The following NME5 variants were observed in gnomAD, a reference collection of about 807,000 sequenced individuals.
NME5 encodes the protein nucleoside diphosphate kinase 5.
NME5 carries 18 observed loss-of-function variants against 21.6 expected under a neutral mutation model. The observed-to-expected ratio is 0.83, with a 90% CI of 0.58 to 1.24. The LOEUF (loss-of-function observed/expected upper bound fraction) is 1.24. NME5 is among the 50% of genes most tolerant of loss of function. The probability of loss-of-function intolerance (pLI) is 0.00; values close to 1 mark genes in which losing one functional copy is unlikely to be tolerated. For synonymous variants in NME5, 70 were observed against 80.6 expected (o/e 0.87, Z 0.71); for missense variants, 223 against 255.4 (o/e 0.87, Z 0.86).
At chr5:138,129,059 G>C (rs551250318) in intron 3 of NME5, among the ~76,000 whole-genome samples, 1 of 152,006 alleles carries the variant, frequency 6.6e-6, no homozygotes, top group South Asian at 2.1e-4. Flanking sequence ...GCTTTTTCTG[G>C]TAGGTAGTAT....
Position 138,118,862 on chromosome 5 carries a change from C to A in NME5, c.511G>T (p.Glu171Ter). The change falls in exon 5 of 6, where the codon GAA becomes TAA. Residue 171 changes from glutamate (E) to a stop codon, truncating the protein, a stop_gained. Coordinates refer to ENST00000265191, the MANE Select transcript of NME5 (RefSeq NM_003551.3). LOFTEE classifies it high-confidence loss of function. ...TGCTTACAAAGCTCTGTGAGTCCTT[C>A]AAGCAGAGTTGGCATTATATGTAAA... ...LNLHIMPTLLEGLTELCKQKP... is the reference protein window; with the variant it reads ...LNLHIMPTLL 1.2e-6 allele frequency: 2 copies of A among 1,613,648 alleles called. No individual in the cohort carries two copies. The highest frequency in any genetic ancestry group is 1.7e-6 in the Non-Finnish European group (2 of 1,179,618).
At chr5:138,136,645 T>TA (rs201720743) in intron 2 of NME5, among the ~76,000 whole-genome samples, 2 of 152,060 alleles carry the variant, frequency 1.3e-5, no homozygotes, top group African/African-American at 4.8e-5. Context: ...TTTTTTAAAT[T>TA]AAAAAAATTT....
At chr5:138,124,834 TTAA>T (rs1216539917) in intron 4 of NME5, among the ~76,000 whole-genome samples, 1 of 152,200 alleles carries the variant, frequency 6.6e-6, no homozygotes, top group African/African-American at 2.4e-5. Flanking sequence ...GCTGAATAAA[TTAA>T]TGAGAGAATA....
At chr5:138,137,040 A>G (rs1751715158) in intron 2 of NME5, among the ~76,000 whole-genome samples, 1 of 151,986 alleles carries the variant, frequency 6.6e-6, no homozygotes, top group South Asian at 2.1e-4. Flanking sequence ...AACAAAATAA[A>G]TCCATTATCT....
intron 4 of NME5, among the ~76,000 whole-genome samples, chr5:138,119,642 TTTTTCTTTTC>T (rs767424536): frequency 6.8e-6 from 1 of 147,602 alleles, no homozygotes; most frequent in African/African-American, 2.4e-5. Context: ...GCCTGTTTTC[TTTTTCTTTTC>T]TTTTCTTTAT....
intron 4 of NME5, among the ~76,000 whole-genome samples, chr5:138,120,733 A>C (rs1397875291): frequency 6.6e-6 from 1 of 152,064 alleles, no homozygotes; most frequent in Non-Finnish European, 1.5e-5. Flanking sequence ...ATTTTGAGTT[A>C]ATTTTTGTGT....
At position 138,115,598 on chromosome 5, in the gene NME5, C is replaced by A; in HGVS notation, c.*83G>T. 1.3e-6 allele frequency: 1 copy of A among 758,922 alleles called. No homozygotes were observed. Among genetic ancestry groups the A allele is most frequent in the Non-Finnish European group, 2.1e-6 (1 of 486,386 alleles). 47.0% of individuals were successfully genotyped at this position (758,922 alleles called of 1,614,324 possible). A position where few individuals can be genotyped will look rare whatever the true frequency, so the allele number is the denominator to read the frequency against. ...TATTTTACTTGTAGTTACTTAAACC[C>A]TAGAAATAATTTTTTCAAACAGTAG... On this transcript the variant is annotated 3_prime_UTR_variant, in exon 6 of 6. Transcript: ENST00000265191.
chr5:138,125,071 G>T (rs1751368241), intron 4 of NME5, among the ~76,000 whole-genome samples: 1 of 151,514 alleles, frequency 6.6e-6, no homozygotes, highest in Non-Finnish European at 1.5e-5. Flanking sequence ...TACAGACATG[G>T]GCCACCATGC....
intron 4 of NME5, among the ~76,000 whole-genome samples, chr5:138,122,737 GT>G (rs1488872827): frequency 2.7e-5 from 4 of 150,438 alleles, no homozygotes; most frequent in Non-Finnish European, 5.9e-5. Context: ...GAGTGCAGTG[GT>G]GCGATCTCGG....
chr5:138,120,558 T>C (rs1329993942), intron 4 of NME5, among the ~76,000 whole-genome samples: 1 of 152,180 alleles, frequency 6.6e-6, no homozygotes, highest in East Asian at 1.9e-4. Context: ...TTCTTAATGA[T>C]GTCCTTTGAA....
At chr5:138,133,262 G>A (rs1372162627) in intron 2 of NME5, among the ~76,000 whole-genome samples, 2 of 151,632 alleles carry the variant, frequency 1.3e-5, no homozygotes, top group Non-Finnish European at 2.9e-5. Context: ...TACCACGCCC[G>A]GCTAATTTTT....
chr5:138,131,536 C>T (rs1425658684), intron 2 of NME5, among the ~76,000 whole-genome samples: 2 of 150,222 alleles, frequency 1.3e-5, no homozygotes, highest in Non-Finnish European at 3.0e-5. Context: ...GCCTGGGTAA[C>T]AGGATGAGAC....
In NME5 at chr5:138,118,841, T is replaced by G. The variant is rs144366124; in HGVS notation, c.532A>C (p.Lys178Gln). Residue 178 changes from lysine to glutamine, a missense_variant, in exon 5 of 6, where the codon AAG becomes CAG. Lys to Gln is a moderately conservative substitution (Grantham distance 53, BLOSUM62 1). Transcript: ENST00000265191. ...ACCAAAGGATCTGCTGGTTTTTGCT[T>G]ACAAAGCTCTGTGAGTCCTTCAAGC... The part of the protein sequence containing the change: ...TLLEGLTELC[K>Q]QKPADPLIWL... 5.6e-6 allele frequency: 9 copies of G among 1,610,814 alleles called. No homozygotes were observed. The South Asian group carries it at 8.8e-5, about 16-fold the overall frequency.
intron 5 of NME5, 71 bp from the exon 6 acceptor site, chr5:138,115,835 A>C: frequency 1.0e-6 from 1 of 981,678 alleles, no homozygotes; most frequent in South Asian, 1.8e-5. Context: ...TACTATATCA[A>C]TTGGAAACTT....
chr5:138,123,339 C>A (rs564986447), intron 4 of NME5, among the ~76,000 whole-genome samples: 149 of 152,272 alleles, frequency 9.8e-4, no homozygotes, highest in African/African-American at 3.6e-3. Flanking sequence ...CCTACTATCA[C>A]AGGAATAAGT....
chr5:138,139,333 C>G (rs560317487), intron 1 of NME5, 38 bp downstream of exon 1: 7 of 985,350 alleles, frequency 7.1e-6, no homozygotes, highest in African/African-American at 1.7e-5. Flanking sequence ...CCGGGTTGCA[C>G]CTGCAAATTC....
chr5:138,121,656 G>A (rs1268291481), intron 4 of NME5, among the ~76,000 whole-genome samples: 1 of 152,070 alleles, frequency 6.6e-6, no homozygotes, highest in Non-Finnish European at 1.5e-5. Flanking sequence ...ATCTATATGT[G>A]TATCTTTATA....
rs527568263 is a variant in NME5, at chr5:138,138,468, G to C, written c.129+184C>G. On this transcript the variant is annotated intron_variant, in intron 2 of 5. Transcript: ENST00000265191. ...GTAAAAGAGGACAGGTGAAGGAAAA[G>C]TCCATTTTATTTCTCATTTTACATC... 7.6e-6 allele frequency: 4 copies of C among 526,974 alleles called. No homozygotes were observed. The Admixed American group carries it at 1.2e-4, about 16-fold the overall frequency. The allele number at this position is 526,974 out of a possible 1,614,324, so 32.6% of individuals were successfully genotyped here.
At chr5:138,139,271 G>T (rs1751813439) in intron 1 of NME5, 100 bp downstream of exon 1, 1 of 712,170 alleles carries the variant, frequency 1.4e-6, no homozygotes, top group Non-Finnish European at 1.7e-6. Flanking sequence ...ACCTCTCTGT[G>T]CATAGGGTCA....
Sources: allele counts gnomAD v4.1 joint callset (sites outside exome capture counted in the v4.1 genomes callset), GRCh38; gene constraint gnomAD v4.1.1; transcripts MANE v1.5; gene names NCBI Gene and HGNC (gene_info 2026-07-23, HGNC 2026-07-21).